PHLPP1: variants seen among roughly 807,000 people sequenced by gnomAD.
PHLPP1 encodes the protein PH domain leucine-rich repeat-containing protein phosphatase 1.
In PHLPP1, 42 loss-of-function variants were observed where a neutral mutation model predicts 117.2. The ratio of observed to expected loss-of-function variants is 0.36; its 90% confidence interval spans 0.28 to 0.46. The LOEUF (loss-of-function observed/expected upper bound fraction) is 0.46, where lower values mean the gene tolerates loss of function less well. PHLPP1 is among the 20% of genes least tolerant of loss of function. The pLI is 1.00. For synonymous variants in PHLPP1, 1,042 were observed against 970.7 expected (o/e 1.07, Z -1.37); for missense variants, 2,084 against 2,241.9 (o/e 0.93, Z 1.42).
chr18:62,844,344 T>G (rs1915126689), intron 3 of PHLPP1, among the ~76,000 whole-genome samples: 1 of 152,048 alleles, frequency 6.6e-6, no homozygotes, highest in Non-Finnish European at 1.5e-5. Context: ...ATCTCAAAAA[T>G]AAATAAATAA....
rs1023991716 is a variant in PHLPP1, at chr18:62,882,821, A to C, written c.2067-12190A>C. Among the ~76,000 whole-genome samples the C allele has an allele frequency of 3.9e-5, 6 of 152,196 alleles. No individual in the cohort carries two copies. In the East Asian group the frequency reaches 9.6e-4, roughly 24 times the overall value. On this transcript the variant is annotated intron_variant, in intron 4 of 16. Transcript: ENST00000262719. Reference sequence around the variant, plus strand: ...CCAAGCTTTTCTATTTTATTGGAAAAGCATTAAGCTTTCTCTTTTTGTTCT... The same window carrying C: ...CCAAGCTTTTCTATTTTATTGGAAACGCATTAAGCTTTCTCTTTTTGTTCT...
At chr18:62,728,316 T>C (rs1186279840) in intron 1 of PHLPP1, among the ~76,000 whole-genome samples, 1 of 151,978 alleles carries the variant, frequency 6.6e-6, no homozygotes, top group African/African-American at 2.4e-5. Context: ...ATATTTTTTT[T>C]AAAGAAGTGA....
At chr18:62,923,868 CT>C (rs1309927527) in intron 10 of PHLPP1, among the ~76,000 whole-genome samples, 1 of 152,086 alleles carries the variant, frequency 6.6e-6, no homozygotes, top group East Asian at 1.9e-4. Flanking sequence ...AGGAAAGATT[CT>C]TTGTGACTGG....
chr18:62,860,343 C>G, intron 3 of PHLPP1, 92 bp from the exon 4 acceptor site: 1 of 1,033,792 alleles, frequency 9.7e-7, no homozygotes, highest in Non-Finnish European at 1.4e-6. Flanking sequence ...CATAGAATAT[C>G]TGTTCCAAAT....
chr18:62,761,463 T>C (rs983523543), intron 1 of PHLPP1, among the ~76,000 whole-genome samples: 2 of 151,762 alleles, frequency 1.3e-5, no homozygotes, highest in African/African-American at 4.8e-5. Context: ...AAACCCCGTC[T>C]CTACTAAAAA....
rs746968654 is a variant in PHLPP1, at chr18:62,867,006, C to T, written c.2066+6405C>T. On this transcript the variant is annotated intron_variant, in intron 4 of 16. Transcript: ENST00000262719. ...AGGTTAGCCCTATTTTTGTTGCCCA[C>T]TGTTTTTTACATTTCTTGGTTTTGT... is the stretch of plus-strand genomic sequence containing the variant. 7.9e-5 allele frequency among the ~76,000 whole-genome samples: 12 copies of T among 152,184 alleles called. No individual in the cohort carries two copies. In the East Asian group the frequency reaches 2.3e-3, roughly 29 times the overall value.
intron 1 of PHLPP1, among the ~76,000 whole-genome samples, chr18:62,759,450 G>T (rs1224335859): frequency 6.6e-6 from 1 of 152,216 alleles, no homozygotes; most frequent in Admixed American, 6.5e-5. Context: ...AAATGCAACA[G>T]ACAGAGGATG....
At chr18:62,807,794 A>T (rs1028485737) in intron 1 of PHLPP1, among the ~76,000 whole-genome samples, 1 of 152,294 alleles carries the variant, frequency 6.6e-6, no homozygotes, top group African/African-American at 2.4e-5. Context: ...AGGATAAAAA[A>T]TGGTACACCT....
intron 3 of PHLPP1, among the ~76,000 whole-genome samples, chr18:62,842,153 A>G (rs1915070157): frequency 6.6e-6 from 1 of 152,192 alleles, no homozygotes; most frequent in Non-Finnish European, 1.5e-5. Context: ...GTCATCCTTG[A>G]TGGGTCAAAT....
intron 4 of PHLPP1, among the ~76,000 whole-genome samples, chr18:62,867,338 C>T (rs1357326546): frequency 6.6e-6 from 1 of 152,126 alleles, no homozygotes; most frequent in Non-Finnish European, 1.5e-5. Context: ...TTTACATTGT[C>T]TCACGCCCCA....
intron 9 of PHLPP1, among the ~76,000 whole-genome samples, chr18:62,919,525 A>G (rs1909398060): frequency 6.6e-6 from 1 of 152,232 alleles, no homozygotes; most frequent in Non-Finnish European, 1.5e-5. Context: ...TAAAAGTTTG[A>G]TTGAAGAACC....
At chr18:62,967,820 A>G (rs1910945747) in intron 14 of PHLPP1, among the ~76,000 whole-genome samples, 2 of 149,346 alleles carry the variant, frequency 1.3e-5, no homozygotes, top group Admixed American at 6.7e-5. Context: ...ACGATGTAGT[A>G]TATTTTTCTT....
At chr18:62,901,799 AT>A (rs1172447461) in intron 6 of PHLPP1, among the ~76,000 whole-genome samples, 25 of 145,426 alleles carry the variant, frequency 1.7e-4, no homozygotes, top group South Asian at 1.3e-3. Context: ...AATTTTTTGT[AT>A]TTTTTTTTTA....
At chr18:62,885,136 C>T (rs915094682) in intron 4 of PHLPP1, among the ~76,000 whole-genome samples, 3 of 152,146 alleles carry the variant, frequency 2.0e-5, no homozygotes, top group African/African-American at 2.4e-5. Flanking sequence ...TTAAGCACAT[C>T]TTATGACAAA....
intron 1 of PHLPP1, among the ~76,000 whole-genome samples, chr18:62,733,001 C>T (rs1398184639): frequency 6.6e-6 from 1 of 152,156 alleles, no homozygotes; most frequent in East Asian, 1.9e-4. Flanking sequence ...GAATCTACTA[C>T]TGGTGAAGAA....
chr18:62,819,328 T>A (rs1448418241), intron 1 of PHLPP1, among the ~76,000 whole-genome samples: 5 of 152,206 alleles, frequency 3.3e-5, no homozygotes, highest in African/African-American at 1.2e-4. Context: ...GAAGGTAGAT[T>A]GTGTGTTCAA....
At chr18:62,827,995 T>TA in intron 1 of PHLPP1, among the ~76,000 whole-genome samples, 1 of 147,848 alleles carries the variant, frequency 6.8e-6, no homozygotes, top group East Asian at 2.0e-4. Flanking sequence ...ATAAAATGCC[T>TA]ACTTCTTTGC....
chr18:62,898,513 G>A (rs997599582), intron 6 of PHLPP1, among the ~76,000 whole-genome samples: 5 of 152,034 alleles, frequency 3.3e-5, no homozygotes, highest in East Asian at 1.9e-4. Flanking sequence ...CAGAGCCTGC[G>A]GTTCTCTAGT....
At chr18:62,975,839 G>A (rs1036050688) in intron 16 of PHLPP1, among the ~76,000 whole-genome samples, 6 of 152,198 alleles carry the variant, frequency 3.9e-5, no homozygotes, top group African/African-American at 1.4e-4. Context: ...ACTGTGCTGC[G>A]TGCTTCATGG....
Sources: allele counts gnomAD v4.1 joint callset (sites outside exome capture counted in the v4.1 genomes callset), GRCh38; gene constraint gnomAD v4.1.1; transcripts MANE v1.5; gene names NCBI Gene and HGNC (gene_info 2026-07-23, HGNC 2026-07-21).